Variants in TRDN observed in about 807,000 individuals in gnomAD.
TRDN encodes triadin.
Under a neutral mutation model 149.7 loss-of-function variants are expected in TRDN, and 161 were observed. The observed-to-expected ratio is 1.08, with a 90% confidence interval of 0.95 to 1.23. The LOEUF is 1.23. TRDN is among the 50% of genes most tolerant of loss of function. The pLI, the probability that TRDN is intolerant of heterozygous loss-of-function variation, is 0.00. For synonymous variants in TRDN, 294 were observed against 250.5 expected, an observed-to-expected ratio of 1.17 and a Z score of -1.64; for missense variants, 896 against 823.5, an observed-to-expected ratio of 1.09 and a Z score of -1.08.
chr6:123,293,342 A>C (rs755571977), intron 24 of TRDN, among the ~76,000 whole-genome samples: 2 of 152,112 alleles, frequency 1.3e-5, no homozygotes, highest in Non-Finnish European at 2.9e-5. Context: ...GTGTATCTAT[A>C]TCTCCAGTGC....
chr6:123,629,946 G>T (rs113252674), intron 1 of TRDN, among the ~76,000 whole-genome samples: 12 of 152,090 alleles, frequency 7.9e-5, no homozygotes, highest in African/African-American at 2.2e-4. Flanking sequence ...CTCACTAGGG[G>T]TAATATATAT....
chr6:123,542,803 GCT>G (rs1332763284), intron 4 of TRDN, among the ~76,000 whole-genome samples: 2 of 150,656 alleles, frequency 1.3e-5, no homozygotes, highest in Non-Finnish European at 3.0e-5. Context: ...TTGGGTTTTC[GCT>G]CTCTCTCTTT....
intron 24 of TRDN, among the ~76,000 whole-genome samples, chr6:123,286,455 T>C (rs1337912812): frequency 6.6e-6 from 1 of 152,032 alleles, no homozygotes; most frequent in Non-Finnish European, 1.5e-5. Context: ...ATGTTCTCAC[T>C]CATGAGTGAG....
chr6:123,279,610 G>T (rs1777511411), intron 24 of TRDN, among the ~76,000 whole-genome samples: 1 of 151,744 alleles, frequency 6.6e-6, no homozygotes, highest in South Asian at 2.1e-4. Flanking sequence ...ATCTTTACTT[G>T]TTTTTTCTAC....
chr6:123,631,330 C>T (rs1785993872), intron 1 of TRDN, among the ~76,000 whole-genome samples: 1 of 151,930 alleles, frequency 6.6e-6, no homozygotes, highest in Admixed American at 6.6e-5. Context: ...TTTTTTCTTG[C>T]ATCATGTTGA....
Position 123,375,608 on chromosome 6 carries a change from CT to C in TRDN, c.1269del (p.Ala424GlnfsTer47). The C allele has an allele frequency of 6.5e-7, 1 of 1,533,422 alleles. No individual in the cohort carries two copies. Among genetic ancestry groups the C allele is most frequent in the East Asian group, 2.5e-5 (1 of 40,152 alleles). The allele number at this position is 1,533,422 out of a possible 1,614,324, so 95.0% of individuals were successfully genotyped here. A position where few individuals can be genotyped will look rare whatever the true frequency, so the allele number is the denominator to read the frequency against. On this transcript the variant is annotated frameshift_variant, in exon 19 of 41. Transcript: ENST00000334268. LOFTEE classifies it high-confidence loss of function. ...EHSVPSDKQV[K>X]AKTERAKEEI... ...TTAAAAATTTTGTTCAACATACTTGCTTTTACTTGTTTGTCACTTGGAACTG... is the reference window on the plus strand; with the variant it reads ...TTAAAAATTTTGTTCAACATACTTGCTTTACTTGTTTGTCACTTGGAACTG...
At chr6:123,541,760 A>C (rs907151629) in intron 4 of TRDN, among the ~76,000 whole-genome samples, 4 of 152,132 alleles carry the variant, frequency 2.6e-5, no homozygotes, top group Non-Finnish European at 4.4e-5. Context: ...AATTTTAACA[A>C]GTTTAGTCAT....
chr6:123,347,872 A>G (rs138648225), intron 21 of TRDN, among the ~76,000 whole-genome samples: 1 of 152,180 alleles, frequency 6.6e-6, no homozygotes, highest in Non-Finnish European at 1.5e-5. Context: ...ACTAAGCCCA[A>G]AGTTTTATTT....
intron 2 of TRDN, among the ~76,000 whole-genome samples, chr6:123,562,284 T>G (rs1782044902): frequency 6.6e-6 from 1 of 152,146 alleles, no homozygotes; most frequent in South Asian, 2.1e-4. Context: ...TGCACCCAGG[T>G]GAAATAAACA....
At chr6:123,264,805 G>A (rs149260064) in intron 33 of TRDN, among the ~76,000 whole-genome samples, 312 of 152,126 alleles carry the variant, frequency 2.1e-3, no homozygotes, top group Admixed American at 3.5e-3. Context: ...ACCAGCAAAA[G>A]TATTACAACT....
intron 32 of TRDN, among the ~76,000 whole-genome samples, chr6:123,267,112 A>AAAAAAAAAAAAAAAAAG (rs1282963672): frequency 6.7e-6 from 1 of 149,224 alleles, no homozygotes; most frequent in South Asian, 2.1e-4. Context: ...AAAAAAAAAA[A>AAAAAAAAAAAAAAAAAG]AAGAAGTAAC....
chr6:123,284,503 G>A (rs4273711), intron 24 of TRDN, among the ~76,000 whole-genome samples: 107,004 of 151,778 alleles, frequency 0.71, 37,990 homozygotes, highest in East Asian at 0.89. Context: ...TTGGCATACA[G>A]GGGAAACCCC....
chr6:123,478,313 TGATATATCCCACA>T (rs1432900543), intron 9 of TRDN, among the ~76,000 whole-genome samples: 5 of 152,192 alleles, frequency 3.3e-5, no homozygotes, highest in African/African-American at 1.2e-4. Context: ...TGAATGGACT[TGATATATCCCACA>T]GAAGAGGCCC....
chr6:123,358,589 C>T (rs1037530804), intron 20 of TRDN, among the ~76,000 whole-genome samples: 29 of 151,976 alleles, frequency 1.9e-4, no homozygotes, highest in African/African-American at 6.3e-4. Flanking sequence ...CTTAGCCTCC[C>T]GAGTAGCTGG....
At chr6:123,309,247 T>C (rs1020605857) in intron 24 of TRDN, among the ~76,000 whole-genome samples, 3 of 151,920 alleles carry the variant, frequency 2.0e-5, no homozygotes, top group Non-Finnish European at 4.4e-5. Flanking sequence ...CTTATGGCTG[T>C]ATCCTACTAC....
At chr6:123,510,675 A>T (rs1779134022) in intron 7 of TRDN, among the ~76,000 whole-genome samples, 2 of 143,050 alleles carry the variant, frequency 1.4e-5, no homozygotes, top group South Asian at 4.3e-4. Context: ...AGACAGTCTC[A>T]CTCTGTTGCC....
chr6:123,301,183 C>G (rs1392135117), intron 24 of TRDN, among the ~76,000 whole-genome samples: 1 of 151,970 alleles, frequency 6.6e-6, no homozygotes, highest in African/African-American at 2.4e-5. Context: ...CCTCCTACCC[C>G]ATTCATCTCT....
chr6:123,436,571 C>G (rs1329950259), intron 12 of TRDN, among the ~76,000 whole-genome samples: 1 of 151,986 alleles, frequency 6.6e-6, no homozygotes, highest in Non-Finnish European at 1.5e-5. Flanking sequence ...AGTTGACATC[C>G]TATGTATGCT....
intron 14 of TRDN, among the ~76,000 whole-genome samples, chr6:123,384,587 G>A (rs751777133): frequency 4.6e-5 from 7 of 152,086 alleles, no homozygotes; most frequent in Non-Finnish European, 8.8e-5. Flanking sequence ...TATAATAAAT[G>A]TAACTATAGA....
Sources: gnomAD v4.1 joint callset for allele counts (sites outside exome capture counted in the v4.1 genomes callset) on GRCh38, gnomAD v4.1.1 for gene constraint, MANE v1.5 for transcripts, NCBI Gene and HGNC (gene_info 2026-07-23, HGNC 2026-07-21) for gene names.